The following SLC12A3 variants were observed in gnomAD, a reference collection of about 807,000 sequenced individuals.
The protein encoded by SLC12A3 is Na-Cl cotransporter.
A neutral mutation model predicts 121.0 loss-of-function variants in SLC12A3; 104 were observed. The ratio of observed to expected loss-of-function variants is 0.86; its 90% CI spans 0.73 to 1.01. The LOEUF (loss-of-function observed/expected upper bound fraction) is 1.01. Ranked by LOEUF, SLC12A3 falls within the 50% of genes least tolerant of loss-of-function variation. The pLI is 0.00. For missense variants in SLC12A3, 1,328 were observed against 1,356.3 expected (o/e 0.98, Z 0.33); for synonymous variants, 536 against 533.4 (o/e 1.00, Z -0.07).
At chr16:56,870,000 G>A (rs1375015599) in intron 4 of SLC12A3, 96 bp from the exon 5 acceptor site, 15 of 1,524,038 alleles carry the variant, frequency 9.8e-6, no homozygotes, top group Non-Finnish European at 1.3e-5. Context: ...TGCCCCGTGG[G>A]TCCTGTGGCC....
At chr16:56,886,321 G>A in intron 15 of SLC12A3, 43 bp from the exon 16 acceptor site, 1 of 1,474,270 alleles carries the variant, frequency 6.8e-7, no homozygotes. Context: ...ACCCCCGTGG[G>A]CTCTCTCCTG....
chr16:56,906,985 T>C (rs75013989), intron 25 of SLC12A3: 5,282 of 235,264 alleles, frequency 0.022, 277 homozygotes, highest in Admixed American at 0.12. Context: ...TCTGCAGCCA[T>C]TGTGGATTTT....
intron 12 of SLC12A3, among the ~76,000 whole-genome samples, chr16:56,881,691 T>C (rs2055242280): frequency 6.6e-6 from 1 of 151,996 alleles, no homozygotes; most frequent in African/African-American, 2.4e-5. Context: ...TTGGGTGGGT[T>C]ACCACTGGGG....
chr16:56,908,999 C>A (rs1410369235), intron 25 of SLC12A3, among the ~76,000 whole-genome samples: 1 of 152,214 alleles, frequency 6.6e-6, no homozygotes, highest in Non-Finnish European at 1.5e-5. Context: ...ACTGTGTGGC[C>A]TTGGGTAAGA....
Position 56,879,587 on chromosome 16 carries a change from ATCTTCG to A in SLC12A3, c.1382_1387del (p.Ile461_Gly463delinsArg). On this transcript the variant is annotated inframe_deletion, in exon 11 of 26. Transcript: ENST00000563236. Reference sequence around the variant, plus strand: ...CTTCGCGCCCCTGATCACGGCTGGCATCTTCGGGGCCACCCTCTCCTCTGCCCTGGC... The same window carrying A: ...CTTCGCGCCCCTGATCACGGCTGGCAGGGCCACCCTCTCCTCTGCCCTGGC... 3.1e-6 allele frequency: 5 copies of A among 1,613,832 alleles called. No homozygotes were observed. The highest frequency in any genetic ancestry group is 4.2e-6 in the Non-Finnish European group (5 of 1,180,006).
chr16:56,868,651 CAA>C (rs1176673732), intron 3 of SLC12A3, among the ~76,000 whole-genome samples: 14 of 152,304 alleles, frequency 9.2e-5, no homozygotes, highest in African/African-American at 3.4e-4. Context: ...ATTTCTACCT[CAA>C]AGCGTGCAGG....
At chr16:56,886,280 A>T in intron 15 of SLC12A3, 84 bp from the exon 16 acceptor site, 1 of 965,942 alleles carries the variant, frequency 1.0e-6, no homozygotes, top group Non-Finnish European at 1.7e-6. Context: ...ACCACCATTC[A>T]GGGAGCCTGG....
chr16:56,866,954 C>A, intron 1 of SLC12A3, 116 bp from the exon 2 acceptor site: 1 of 1,385,494 alleles, frequency 7.2e-7, no homozygotes, highest in Non-Finnish European at 1.0e-6. Context: ...ACCCAGTGGG[C>A]TGAGGGGTCG....
chr16:56,873,462 C>G (rs1411277411), intron 8 of SLC12A3, among the ~76,000 whole-genome samples: 1 of 130,808 alleles, frequency 7.6e-6, no homozygotes, highest in Non-Finnish European at 1.5e-5. Context: ...TCTTGGCTCA[C>G]TGCAACCTCC....
At chr16:56,902,056 T>G (rs2055545656) in intron 23 of SLC12A3, among the ~76,000 whole-genome samples, 1 of 152,220 alleles carries the variant, frequency 6.6e-6, no homozygotes, top group South Asian at 2.1e-4. Context: ...CTGTGAGGAC[T>G]GGGGACACAA....
chr16:56,898,494 G>A (rs774323638), intron 22 of SLC12A3, among the ~76,000 whole-genome samples: 15 of 152,082 alleles, frequency 9.9e-5, no homozygotes, highest in Non-Finnish European at 2.1e-4. Flanking sequence ...TCCTGACCTC[G>A]TGATCCACCT....
chr16:56,876,035 C>T (rs544170377), intron 8 of SLC12A3, among the ~76,000 whole-genome samples: 41 of 152,126 alleles, frequency 2.7e-4, no homozygotes, highest in Non-Finnish European at 5.1e-4. Flanking sequence ...AGTCCGGGAT[C>T]CAGGTGTCAG....
intron 8 of SLC12A3, 47 bp from the exon 9 acceptor site, chr16:56,878,014 TCCTCCGTCCCTCCCTC>T: frequency 1.4e-6 from 1 of 700,382 alleles, no homozygotes; most frequent in Non-Finnish European, 2.1e-6. Flanking sequence ...CTGCCTAATG[TCCTCCGTCCCTCCCTC>T]CCTCTCTCCC....
chr16:56,869,634 A>G, intron 3 of SLC12A3, 95 bp from the exon 4 acceptor site: 1 of 960,172 alleles, frequency 1.0e-6, no homozygotes, highest in South Asian at 1.4e-5. Flanking sequence ...AGCTCAGAGA[A>G]GGGAGATGAA....
At chr16:56,865,825 G>A (rs1188399901) in intron 1 of SLC12A3, among the ~76,000 whole-genome samples, 3 of 152,190 alleles carry the variant, frequency 2.0e-5, no homozygotes, top group African/African-American at 7.2e-5. Context: ...AAGGGCCTGG[G>A]AAGGTTCACC....
chr16:56,874,616 C>T lies in SLC12A3; in HGVS notation c.1095+1830C>T, dbSNP rs533709980. Among the ~76,000 whole-genome samples, 3 of 152,290 alleles carry T rather than the reference C, an allele frequency of 2.0e-5. No homozygotes were observed. In the East Asian group the frequency reaches 5.8e-4, roughly 29 times the overall value. On this transcript the variant is annotated intron_variant, in intron 8 of 25. Coordinates refer to ENST00000563236, the MANE Select transcript of SLC12A3 (RefSeq NM_001126108.2). ...GGGAGTTCGAGACCAGCCTGGCTAA[C>T]ATGATGAAACTGTTTTAGTCTCCAC... is the stretch of plus-strand genomic sequence containing the variant.
At position 56,892,982 on chromosome 16, in the gene SLC12A3, C is replaced by G. The variant is rs763957669; in HGVS notation, c.2449C>G (p.Gln817Glu). The part of the protein sequence containing the change: ...VDPKALVKEE[Q>E]ATTIFQSEQG... ...CCCCAAGGCCCTGGTGAAGGAGGAG[C>G]AGGCCACCACCATCTTCCAGTCGGA... Residue 817 changes from glutamine (Q) to glutamate (E), a missense_variant, in exon 21 of 26, where the codon CAG becomes GAG. Physicochemically the swap from Gln to Glu is conservative, Grantham distance 29. Coordinates refer to ENST00000563236, the MANE Select transcript of SLC12A3 (RefSeq NM_001126108.2). 3 of 1,614,184 alleles carry G rather than the reference C, an allele frequency of 1.9e-6. No homozygotes were observed. Among genetic ancestry groups the G allele is most frequent in the Middle Eastern group, 1.7e-4 (1 of 6,058 alleles).
intron 25 of SLC12A3, chr16:56,907,064 C>G (rs2055617318): frequency 5.1e-6 from 1 of 194,668 alleles, no homozygotes; most frequent in African/African-American, 2.4e-5. Flanking sequence ...TCAAAAGGCA[C>G]CAGCACCAGT....
intron 12 of SLC12A3, among the ~76,000 whole-genome samples, chr16:56,881,223 A>G (rs2055235995): frequency 6.6e-6 from 1 of 152,234 alleles, no homozygotes. Flanking sequence ...CTGGTATCAC[A>G]GTCCATGAGA....
Sources: allele counts gnomAD v4.1 joint callset (sites outside exome capture counted in the v4.1 genomes callset), GRCh38; gene constraint gnomAD v4.1.1; transcripts MANE v1.5; gene names NCBI Gene and HGNC (gene_info 2026-07-23, HGNC 2026-07-21).